CCSER2: variants seen among roughly 807,000 people sequenced by gnomAD.
CCSER2 encodes the protein coiled-coil serine rich protein 2.
CCSER2 carries 46 observed loss-of-function variants against 92.3 expected under a neutral mutation model. The ratio of observed to expected loss-of-function variants is 0.50; its 90% CI spans 0.39 to 0.64. The LOEUF (loss-of-function observed/expected upper bound fraction) is 0.64. Among genes scored for constraint, CCSER2 ranks in the 30% least tolerant of loss-of-function variants. The pLI is 0.00. For missense variants in CCSER2, 1,244 were observed against 1,238.9 expected (o/e 1.00, Z -0.06); for synonymous variants, 433 against 431.4 (o/e 1.00, Z -0.04).
intron 7 of CCSER2, among the ~76,000 whole-genome samples, chr10:84,468,495 G>A (rs1468612425): frequency 1.3e-5 from 2 of 152,146 alleles, no homozygotes; most frequent in Non-Finnish European, 2.9e-5. Context: ...ACAATGAAAT[G>A]GTTTTGGTGG....
At chr10:84,483,886 G>C (rs1847607931) in intron 9 of CCSER2, among the ~76,000 whole-genome samples, 1 of 140,278 alleles carries the variant, frequency 7.1e-6, no homozygotes, top group South Asian at 2.2e-4. Context: ...CCCTGTTCAA[G>C]AGATTCTCCC....
At position 84,405,631 on chromosome 10, in the gene CCSER2, T is replaced by TA. The variant is rs1034668487; in HGVS notation, c.1615-12133dup. Among the ~76,000 whole-genome samples, 16 of 151,960 alleles carry TA rather than the reference T, an allele frequency of 1.1e-4. 1 individual carries two copies. The highest frequency in any genetic ancestry group is 8.5e-4 in the Admixed American group (13 of 15,258). On this transcript the variant is annotated intron_variant, in intron 3 of 9. Coordinates refer to ENST00000372088, the MANE Select transcript of CCSER2 (RefSeq NM_001284240.2). ...GCAATAAGTAAGTAGACAACCCAAA[T>TA]AAAAAAATGTATAAGAGACCTGAAT...
rs7923459 is a variant in CCSER2 at position 84,441,901 on chromosome 10, C to T, written c.2064+3194C>T. Among the ~76,000 whole-genome samples, 321 of 151,820 alleles carry T rather than the reference C, an allele frequency of 2.1e-3. 2 individuals are homozygous for T. Among genetic ancestry groups the T allele is most frequent in the South Asian group, 0.017 (84 of 4,804 alleles). ...CCTCCCTAGTAGCTGGGACTACAGG[C>T]GCCCACCACCACGCCCGGCTAATTT... On this transcript the variant is annotated intron_variant, in intron 6 of 9. Coordinates refer to ENST00000372088, the MANE Select transcript of CCSER2 (RefSeq NM_001284240.2).
At chr10:84,483,980 T>C (rs1847631260) in intron 9 of CCSER2, among the ~76,000 whole-genome samples, 1 of 124,666 alleles carries the variant, frequency 8.0e-6, no homozygotes. Context: ...TATATATATA[T>C]ATATATATAT....
intron 1 of CCSER2, among the ~76,000 whole-genome samples, chr10:84,345,709 A>T (rs1428081175): frequency 6.6e-6 from 1 of 152,220 alleles, no homozygotes; most frequent in Non-Finnish European, 1.5e-5. Flanking sequence ...CTTACGTTGT[A>T]TTGACCAATT....
chr10:84,405,638 A>G lies in CCSER2; in HGVS notation c.1615-12133A>G, dbSNP rs370044406. On this transcript the variant is annotated intron_variant, in intron 3 of 9. Coordinates refer to ENST00000372088, the MANE Select transcript of CCSER2 (RefSeq NM_001284240.2). ...GTAAGTAGACAACCCAAATAAAAAA[A>G]TGTATAAGAGACCTGAATAGACACT... Among the ~76,000 whole-genome samples, 9 of 152,338 alleles carry G rather than the reference A, an allele frequency of 5.9e-5. No homozygotes were observed. In the East Asian group the frequency reaches 1.2e-3, roughly 20 times the overall value.
intron 9 of CCSER2, among the ~76,000 whole-genome samples, chr10:84,484,635 G>C (rs919868402): frequency 6.6e-6 from 1 of 152,108 alleles, no homozygotes; most frequent in African/African-American, 2.4e-5. Flanking sequence ...GTTTAAATAA[G>C]TGATATTTAT....
chr10:84,429,150 T>G (rs1159914387), intron 5 of CCSER2, among the ~76,000 whole-genome samples: 1 of 152,100 alleles, frequency 6.6e-6, no homozygotes, highest in Non-Finnish European at 1.5e-5. Context: ...GAAGAGTTTG[T>G]GAAGGATTTT....
chr10:84,482,852 G>T (rs186835798), intron 9 of CCSER2, among the ~76,000 whole-genome samples: 1 of 152,280 alleles, frequency 6.6e-6, no homozygotes, highest in Admixed American at 6.5e-5. Flanking sequence ...CGGTATCAGT[G>T]TGAAAAGGTG....
intron 5 of CCSER2, among the ~76,000 whole-genome samples, chr10:84,429,753 C>A (rs917725426): frequency 1.3e-5 from 2 of 151,572 alleles, no homozygotes; most frequent in Non-Finnish European, 1.5e-5. Flanking sequence ...TAATGTTTTT[C>A]ATCAAATTTG....
chr10:84,457,342 TTA>T (rs1845771542), intron 6 of CCSER2, among the ~76,000 whole-genome samples: 4 of 36,530 alleles, frequency 1.1e-4, no homozygotes, highest in African/African-American at 1.3e-4. Context: ...ATATTATATA[TTA>T]TATATAATAT....
At chr10:84,361,920 G>C (rs549768251) in intron 1 of CCSER2, among the ~76,000 whole-genome samples, 11 of 152,152 alleles carry the variant, frequency 7.2e-5, no homozygotes, top group Admixed American at 7.2e-4. Context: ...GATTACAGGC[G>C]TGAGCCACCG....
At chr10:84,498,076 C>T (rs1347085814) in intron 9 of CCSER2, among the ~76,000 whole-genome samples, 3 of 152,130 alleles carry the variant, frequency 2.0e-5, no homozygotes, top group Non-Finnish European at 2.9e-5. Flanking sequence ...TTCCACAGAC[C>T]TGCAAAGGTA....
intron 9 of CCSER2, among the ~76,000 whole-genome samples, chr10:84,501,832 A>ATATATATATAT (rs1447622843): frequency 6.4e-5 from 2 of 31,036 alleles, no homozygotes; most frequent in Non-Finnish European, 1.3e-4. Context: ...GAAAAAAAAA[A>ATATATATATAT]AAATATATAT....
At chr10:84,395,932 T>G (rs1412278839) in intron 3 of CCSER2, among the ~76,000 whole-genome samples, 2 of 152,162 alleles carry the variant, frequency 1.3e-5, no homozygotes, top group East Asian at 3.9e-4. Context: ...TCGTTGCTAC[T>G]GAGGTGTAAT....
intron 3 of CCSER2, among the ~76,000 whole-genome samples, chr10:84,386,671 C>T (rs1342960077): frequency 6.6e-5 from 10 of 152,136 alleles, no homozygotes; most frequent in East Asian, 3.8e-4. Flanking sequence ...GCGGAGGCTG[C>T]GGTGCGCTGA....
At chr10:84,461,634 T>A (rs1846107954) in intron 6 of CCSER2, among the ~76,000 whole-genome samples, 1 of 152,008 alleles carries the variant, frequency 6.6e-6, no homozygotes, top group Non-Finnish European at 1.5e-5. Flanking sequence ...GTCTAAAATC[T>A]CCATTTGTTT....
rs754395734 is a variant in CCSER2, at chr10:84,371,177, C to G, written c.125C>G (p.Ser42Cys). The change falls in exon 2 of 10, where the codon TCC (serine) becomes TGC (cysteine). Residue 42 changes from serine (S) to cysteine (C), a missense_variant. Transcript: ENST00000372088. ...ACACCTGTTAATTTATTAGGAACTT[C>G]CAAGAATAGTAATGTCAAAAGTTAC... ...NGTPVNLLGT[S>C]KNSNVKSYIK... is the part of the protein sequence containing the mutation. The G allele has an allele frequency of 1.2e-6, 2 of 1,613,260 alleles. No individual in the cohort carries two copies. The highest frequency in any genetic ancestry group is 1.7e-6 in the Non-Finnish European group (2 of 1,179,628).
intron 1 of CCSER2, among the ~76,000 whole-genome samples, chr10:84,351,997 A>T (rs962079675): frequency 2.0e-5 from 3 of 152,060 alleles, no homozygotes; most frequent in African/African-American, 7.2e-5. Flanking sequence ...TGAGAGCAAG[A>T]TAGGCAAAAT....
Sources: allele counts gnomAD v4.1 joint callset (sites outside exome capture counted in the v4.1 genomes callset), GRCh38; gene constraint gnomAD v4.1.1; transcripts MANE v1.5; gene names NCBI Gene and HGNC (gene_info 2026-07-23, HGNC 2026-07-21).